VIPAS39: variants seen among roughly 807,000 people sequenced by gnomAD.
VIPAS39 encodes spermatogenesis-defective protein 39 homolog.
In VIPAS39, 63 loss-of-function variants were observed where a neutral mutation model predicts 84.7. That is an observed-to-expected ratio of 0.74 (90% confidence interval 0.61 to 0.92). VIPAS39 has a LOEUF of 0.92. VIPAS39 is among the 40% of genes least tolerant of loss of function. VIPAS39 has a pLI of 0.00. For missense variants in VIPAS39, 499 were observed against 604.5 expected (o/e 0.83, Z 1.83); for synonymous variants, 192 against 216.5 (o/e 0.89, Z 0.99).
At chr14:77,430,003 T>C (rs1348561750) in intron 16 of VIPAS39, among the ~76,000 whole-genome samples, 1 of 152,234 alleles carries the variant, frequency 6.6e-6, no homozygotes, top group Non-Finnish European at 1.5e-5. Flanking sequence ...GGAAAAGTCT[T>C]GAAATACTAC....
At chr14:77,440,396 A>C (rs1262676772) in intron 11 of VIPAS39, 3 of 152,958 alleles carry the variant, frequency 2.0e-5, no homozygotes, top group South Asian at 4.1e-4. Flanking sequence ...CATCAACTTG[A>C]CCTATCTTCC....
chr14:77,448,619 A>C, intron 6 of VIPAS39, 69 bp from the exon 7 acceptor site: 1 of 1,507,722 alleles, frequency 6.6e-7, no homozygotes, highest in Non-Finnish European at 9.2e-7. Context: ...CCCGCTCCTC[A>C]ACTCAAACTC....
At chr14:77,452,886 T>C (rs1159216007) in intron 3 of VIPAS39, among the ~76,000 whole-genome samples, 2 of 151,678 alleles carry the variant, frequency 1.3e-5, no homozygotes, top group African/African-American at 4.8e-5. Context: ...GTTCTGTCAA[T>C]CAGTTATTAG....
chr14:77,435,384 G>A lies in VIPAS39; in HGVS notation c.922C>T (p.Arg308Cys), dbSNP rs1416187010. 7.0e-6 allele frequency: 11 copies of A among 1,572,482 alleles called. No individual in the cohort carries two copies. Among genetic ancestry groups the A allele is most frequent in the East Asian group, 2.4e-5 (1 of 41,344 alleles). ...ERQIIIEAND[R>C]HLESAGQTEI... ...GTCTGTCCTGCTGATTCTAGATGGC[G>A]ATCATTTGCCTGTGGTGGAGTGAGC... Residue 308 changes from arginine (R) to cysteine (C), a missense_variant, in exon 14 of 20, where the codon CGC (arginine) becomes TGC (cysteine). By Grantham distance (180) the Arg-to-Cys change is radical. Coordinates refer to ENST00000557658, the MANE Select transcript of VIPAS39 (RefSeq NM_001193315.2).
chr14:77,436,373 G>A (rs2078610810), intron 12 of VIPAS39, among the ~76,000 whole-genome samples: 1 of 152,162 alleles, frequency 6.6e-6, no homozygotes, highest in Admixed American at 6.5e-5. Context: ...TACATGCCAT[G>A]GTGGTATGTT....
chr14:77,434,411 G>T lies in VIPAS39; in HGVS notation c.1048-108C>A, dbSNP rs141560550. 315 of 1,006,532 alleles carry T rather than the reference G, an allele frequency of 3.1e-4. 1 individual carries two copies. In the African/African-American group the frequency reaches 4.4e-3, roughly 14 times the overall value. The allele number at this position is 1,006,532 out of a possible 1,614,324, so 62.4% of individuals were successfully genotyped here. On this transcript the variant is annotated intron_variant, in intron 14 of 19. Coordinates refer to ENST00000557658, the MANE Select transcript of VIPAS39 (RefSeq NM_001193315.2). ...GAGACTTTCTACATCTTACTCTGCT[G>T]CCATTTAAACATAGAAATTAATTTC...
intron 7 of VIPAS39, among the ~76,000 whole-genome samples, chr14:77,446,305 T>C (rs565913314): frequency 4.6e-5 from 7 of 152,190 alleles, no homozygotes; most frequent in Non-Finnish European, 1.0e-4. Context: ...TAATCCATTT[T>C]ATCTGCTTTT....
intron 19 of VIPAS39, 125 bp from the exon 20 acceptor site, chr14:77,427,761 A>C: frequency 7.8e-7 from 1 of 1,280,700 alleles, no homozygotes; most frequent in Non-Finnish European, 1.1e-6. Context: ...GTAGAATCAG[A>C]TCAGGAGGTG....
Position 77,428,407 on chromosome 14 carries a change from G to A in VIPAS39, c.1424C>T (p.Ala475Val), listed in dbSNP as rs376479671. Reference protein sequence around the residue: ...AYRSKVDKGSAEEEKIDALLS... With the variant: ...AYRSKVDKGSVEEEKIDALLS... Reference sequence around the variant, plus strand: ...AAGAGCATCAATCTTCTCCTCCTCTGCTGATCCTTTATCTACCTTACTCCT... The same window carrying A: ...AAGAGCATCAATCTTCTCCTCCTCTACTGATCCTTTATCTACCTTACTCCT... Residue 475 changes from alanine to valine, a missense_variant, in exon 19 of 20, where the codon GCA becomes GTA. Transcript: ENST00000557658. 1.9e-6 allele frequency: 3 copies of A among 1,613,814 alleles called. No homozygotes were observed. The African/African-American group carries it at 4.0e-5, about 22-fold the overall frequency.
rs768321436 is a variant in VIPAS39, at chr14:77,434,257, T to C, written c.1089+5A>G. On this transcript the variant is annotated splice_donor_5th_base_variant and intron_variant, in intron 15 of 19. Coordinates refer to ENST00000557658, the MANE Select transcript of VIPAS39 (RefSeq NM_001193315.2). Reference sequence around the variant, plus strand: ...GTTTCATAACACTGACCAATTTGTATCTACCTTAAATGTCTTCTTCAGGTT... The same window carrying C: ...GTTTCATAACACTGACCAATTTGTACCTACCTTAAATGTCTTCTTCAGGTT... The C allele has an allele frequency of 1.9e-6, 3 of 1,614,014 alleles. No homozygotes were observed. The Admixed American group carries it at 5.0e-5, about 27-fold the overall frequency.
At chr14:77,442,511 T>C (rs770441661) in intron 10 of VIPAS39, 49 bp downstream of exon 10, 2 of 1,508,970 alleles carry the variant, frequency 1.3e-6, no homozygotes, top group Non-Finnish European at 9.2e-7. Flanking sequence ...TCAGAGTGCT[T>C]TGAAACAAGT....
chr14:77,433,548 C>T (rs557122025), intron 16 of VIPAS39, among the ~76,000 whole-genome samples: 1 of 152,192 alleles, frequency 6.6e-6, no homozygotes, highest in South Asian at 2.1e-4. Context: ...AAGATGTCTA[C>T]AACTTACTTT....
rs1211316727 is a variant in VIPAS39 at position 77,428,471 on chromosome 14, A to G, written c.1360T>C (p.Tyr454His). Residue 454 changes from tyrosine to histidine, a missense_variant, in exon 19 of 20, where the codon TAC (tyrosine) becomes CAC (histidine). Coordinates refer to ENST00000557658, the MANE Select transcript of VIPAS39 (RefSeq NM_001193315.2). ...TGTTGACGATCCTTCAGGTCCCGGT[A>G]GGTCTGTGCATCAAAACAAACAATA... ...FKCHDVVIDT[Y>H]RDLKDRQQLL... The G allele has an allele frequency of 6.2e-7, 1 of 1,613,814 alleles. No individual in the cohort carries two copies. The highest frequency in any genetic ancestry group is 2.2e-5 in the East Asian group (1 of 44,874).
intron 1 of VIPAS39, 107 bp downstream of exon 1, chr14:77,457,388 G>A: frequency 6.5e-7 from 1 of 1,535,622 alleles, no homozygotes. Context: ...AATCAGGCCT[G>A]TAGTCATAGG....
intron 3 of VIPAS39, 67 bp from the exon 4 acceptor site, chr14:77,451,400 A>G: frequency 6.2e-7 from 1 of 1,612,460 alleles, no homozygotes; most frequent in Non-Finnish European, 8.5e-7. Flanking sequence ...CCAACATTCA[A>G]TAAACTCTAA....
chr14:77,430,442 T>A (rs1156917128), intron 16 of VIPAS39, among the ~76,000 whole-genome samples: 1 of 152,022 alleles, frequency 6.6e-6, no homozygotes, highest in African/African-American at 2.4e-5. Context: ...GGAGGCCAGG[T>A]GCGGTGGCTC....
chr14:77,452,749 C>T (rs1008216536), intron 3 of VIPAS39, among the ~76,000 whole-genome samples: 5 of 123,846 alleles, frequency 4.0e-5, no homozygotes, highest in Non-Finnish European at 7.9e-5. Context: ...CATTGCACTC[C>T]AGACTAGGCA....
intron 16 of VIPAS39, among the ~76,000 whole-genome samples, chr14:77,431,560 C>A (rs1043949351): frequency 6.6e-6 from 1 of 151,908 alleles, no homozygotes; most frequent in Non-Finnish European, 1.5e-5. Context: ...AACTCTTGTA[C>A]CCTGTCGGTG....
chr14:77,448,144 T>G (rs1348919518), intron 7 of VIPAS39, among the ~76,000 whole-genome samples: 1 of 151,824 alleles, frequency 6.6e-6, no homozygotes, highest in Non-Finnish European at 1.5e-5. Context: ...TTAGTACAGA[T>G]GGGGTTTCAC....
Sources: gnomAD v4.1 joint callset for allele counts (sites outside exome capture counted in the v4.1 genomes callset) on GRCh38, gnomAD v4.1.1 for gene constraint, MANE v1.5 for transcripts, NCBI Gene and HGNC (gene_info 2026-07-23, HGNC 2026-07-21) for gene names.